Variants in MTMR2 observed in about 807,000 individuals in gnomAD.
MTMR2 encodes the protein phosphatidylinositol-3,5-bisphosphate 3-phosphatase MTMR2.
A neutral mutation model predicts 86.9 loss-of-function variants in MTMR2; 55 were observed. That is an observed-to-expected ratio of 0.63 (90% CI 0.51 to 0.79). MTMR2 has a LOEUF of 0.79. Ranked by LOEUF, MTMR2 falls within the 30% of genes least tolerant of loss-of-function variation. The pLI is 0.00. For synonymous variants in MTMR2, 241 were observed against 266.8 expected, an observed-to-expected ratio of 0.90 and a Z score of 0.94; for missense variants, 659 against 772.3, an observed-to-expected ratio of 0.85 and a Z score of 1.74.
intron 2 of MTMR2, among the ~76,000 whole-genome samples, chr11:95,878,199 G>A (rs992593479): frequency 4.8e-5 from 7 of 147,016 alleles, no homozygotes; most frequent in Admixed American, 2.1e-4. Context: ...TGAAAAGACC[G>A]CACACTAGAT....
At chr11:95,878,455 T>C (rs1403155128) in intron 2 of MTMR2, among the ~76,000 whole-genome samples, 1 of 151,964 alleles carries the variant, frequency 6.6e-6, no homozygotes, top group Admixed American at 6.6e-5. Context: ...AGTATTAATA[T>C]AAAAATGTAT....
chr11:95,838,994 C>A (rs532587131), intron 12 of MTMR2, among the ~76,000 whole-genome samples: 1 of 151,846 alleles, frequency 6.6e-6, no homozygotes, highest in African/African-American at 2.4e-5. Flanking sequence ...TAGGGCTGTA[C>A]GTGATAAGAA....
chr11:95,879,991 T>A (rs1257703983), intron 2 of MTMR2, among the ~76,000 whole-genome samples: 3 of 152,010 alleles, frequency 2.0e-5, no homozygotes, highest in African/African-American at 7.2e-5. Context: ...ATTTTCTGCA[T>A]ATTTAAGTTT....
rs528016258 is a variant in MTMR2 at position 95,833,190 on chromosome 11, T to G, written c.*2100A>C. ...GGGAGGCAGGAATCTGCAGATTACA[T>G]GAGGCAATTGTGAACAGCAGAGTAG... On this transcript the variant is annotated 3_prime_UTR_variant, in exon 15 of 15. Transcript: ENST00000346299. 6.6e-5 allele frequency: 10 copies of G among 152,270 alleles called. No individual in the cohort carries two copies. Among genetic ancestry groups the G allele is most frequent in the African/African-American group, 2.4e-4 (10 of 41,556 alleles). 9.4% of individuals were successfully genotyped at this position (152,270 alleles called of 1,614,324 possible).
At chr11:95,880,206 G>A (rs1388339321) in intron 2 of MTMR2, among the ~76,000 whole-genome samples, 1 of 152,032 alleles carries the variant, frequency 6.6e-6, no homozygotes, top group Non-Finnish European at 1.5e-5. Context: ...GGTGAAGCAA[G>A]AGAGAAACTG....
rs111800867 is a variant in MTMR2 at position 95,844,801 on chromosome 11, T to TA, written c.1386+151dup. On this transcript the variant is annotated intron_variant, in intron 11 of 14. Transcript: ENST00000346299. ...GACTCCAGACTAGTCATGTTAGGGA[T>TA]ATCTTAATGCTTTCCAAAACAAGCA... 1.5e-3 allele frequency: 1,092 copies of TA among 723,446 alleles called. 7 individuals carry two copies. Among genetic ancestry groups the TA allele is most frequent in the African/African-American group, 0.011 (653 of 57,306 alleles). 44.8% of individuals were successfully genotyped at this position (723,446 alleles called of 1,614,324 possible).
intron 2 of MTMR2, among the ~76,000 whole-genome samples, chr11:95,877,209 G>C (rs909051906): frequency 1.3e-5 from 2 of 152,014 alleles, no homozygotes; most frequent in African/African-American, 4.8e-5. Context: ...GACAAGCCAC[G>C]AAGTGGCCAA....
At chr11:95,912,303 C>T (rs1159400297) in intron 1 of MTMR2, among the ~76,000 whole-genome samples, 2 of 151,864 alleles carry the variant, frequency 1.3e-5, no homozygotes, top group Non-Finnish European at 2.9e-5. Flanking sequence ...TAGAAAACCA[C>T]ATAATAGATA....
chr11:95,835,389 T>C lies in MTMR2; in HGVS notation c.1833A>G (p.Val611=). The change falls in exon 15 of 15, where the codon GTA becomes GTG. Residue 611 remains valine, a synonymous_variant. Transcript: ENST00000346299. ...LAKRAELQKK[V]EELQREISNR... ...TAGAAATCTCTCTCTGTAGTTCCTC[T>C]ACTTTTTTCTGAAGCTCTGCTCGTT... 2 of 1,613,260 alleles carry C rather than the reference T, an allele frequency of 1.2e-6. No individual in the cohort carries two copies. The highest frequency in any genetic ancestry group is 1.7e-6 in the Non-Finnish European group (2 of 1,179,388).
At chr11:95,916,870 G>C (rs567554421) in intron 1 of MTMR2, among the ~76,000 whole-genome samples, 2 of 152,038 alleles carry the variant, frequency 1.3e-5, no homozygotes, top group Non-Finnish European at 2.9e-5. Context: ...ATGTACTTGG[G>C]GAAGGGAAGA....
rs568535788 is a variant in MTMR2, at chr11:95,842,047, C to T, written c.1387-338G>A. Among the ~76,000 whole-genome samples the T allele has an allele frequency of 4.6e-5, 7 of 152,260 alleles. No homozygotes were observed. In the East Asian group the frequency reaches 7.7e-4, roughly 17 times the overall value. ...GTACAGGACTACAGTGAACTACGGT[C>T]GCATCACTGCACTCCAGCCTGCATG... On this transcript the variant is annotated intron_variant, in intron 11 of 14. Transcript: ENST00000346299.
intron 1 of MTMR2, among the ~76,000 whole-genome samples, chr11:95,898,115 C>T (rs1346189660): frequency 2.6e-5 from 4 of 152,098 alleles, no homozygotes; most frequent in East Asian, 1.9e-4. Flanking sequence ...ATCTGCAGAC[C>T]GTATTCCATT....
chr11:95,913,748 G>A (rs1469967125), intron 1 of MTMR2, among the ~76,000 whole-genome samples: 1 of 151,996 alleles, frequency 6.6e-6, no homozygotes, highest in East Asian at 1.9e-4. Context: ...GAAAGGAAGG[G>A]AAAGAGGAGG....
intron 7 of MTMR2, among the ~76,000 whole-genome samples, chr11:95,852,766 G>A (rs1000540378): frequency 3.3e-5 from 5 of 152,060 alleles, no homozygotes; most frequent in East Asian, 1.9e-4. Flanking sequence ...GGCCGGGCAC[G>A]GTGGCTCACG....
At chr11:95,883,745 A>G (rs1053259748) in intron 2 of MTMR2, among the ~76,000 whole-genome samples, 4 of 152,236 alleles carry the variant, frequency 2.6e-5, no homozygotes, top group Admixed American at 2.6e-4. Context: ...ATTCTGCTTT[A>G]CTGATGCAGA....
rs537350361 is a variant in MTMR2 at position 95,851,207 on chromosome 11, C to T, written c.655-458G>A. Among the ~76,000 whole-genome samples, 10 of 151,424 alleles carry T rather than the reference C, an allele frequency of 6.6e-5. 1 individual carries two copies. In the East Asian group the frequency reaches 1.4e-3, roughly 21 times the overall value. ...CCTCCTGAGTAGCTGGGACTACAGC[C>T]GTACGCCACCATGCTGGGCTAATTT... On this transcript the variant is annotated intron_variant, in intron 7 of 14. Coordinates refer to ENST00000346299, the MANE Select transcript of MTMR2 (RefSeq NM_016156.6).
At chr11:95,889,074 T>C (rs1474814940) in intron 1 of MTMR2, among the ~76,000 whole-genome samples, 1 of 152,140 alleles carries the variant, frequency 6.6e-6, no homozygotes, top group Admixed American at 6.5e-5. Flanking sequence ...AAGTATCTAC[T>C]TCTTCCATTA....
chr11:95,837,733 C>T (rs149542039), intron 13 of MTMR2, among the ~76,000 whole-genome samples: 5 of 152,090 alleles, frequency 3.3e-5, no homozygotes, highest in South Asian at 2.1e-4. Flanking sequence ...CCTATTCACT[C>T]GAATATACAT....
chr11:95,859,581 C>A (rs1430148212), intron 5 of MTMR2, among the ~76,000 whole-genome samples: 1 of 152,068 alleles, frequency 6.6e-6, no homozygotes, highest in Non-Finnish European at 1.5e-5. Context: ...TCTTTAAATG[C>A]ATTGATTGAT....
Sources: gnomAD v4.1 joint callset for allele counts (sites outside exome capture counted in the v4.1 genomes callset) on GRCh38, gnomAD v4.1.1 for gene constraint, MANE v1.5 for transcripts, NCBI Gene and HGNC (gene_info 2026-07-23, HGNC 2026-07-21) for gene names.